The following PPP3CC variants were observed in gnomAD, a reference collection of about 807,000 sequenced individuals.
PPP3CC encodes the protein serine/threonine-protein phosphatase 2B catalytic subunit gamma isoform.
PPP3CC carries 35 observed loss-of-function variants against 60.3 expected under a neutral mutation model. That is an observed-to-expected ratio of 0.58 (90% CI 0.44 to 0.77). PPP3CC has a LOEUF of 0.77. Ranked by LOEUF, PPP3CC falls within the 30% of genes least tolerant of loss-of-function variation. The probability of loss-of-function intolerance (pLI) is 0.00; values close to 1 mark genes in which losing one functional copy is unlikely to be tolerated. For missense variants in PPP3CC, 570 were observed against 628.9 expected (o/e 0.91, Z 1.00); for synonymous variants, 206 against 224.3 (o/e 0.92, Z 0.73).
At chr8:22,469,193 G>A (rs1284442799) in intron 1 of PPP3CC, among the ~76,000 whole-genome samples, 1 of 152,172 alleles carries the variant, frequency 6.6e-6, no homozygotes, top group Non-Finnish European at 1.5e-5. Flanking sequence ...ACAGCAACAT[G>A]GATGGAACTG....
chr8:22,527,877 C>T lies in PPP3CC; in HGVS notation c.1069+360C>T, dbSNP rs202020009. Among the ~76,000 whole-genome samples, 23 of 152,248 alleles carry T rather than the reference C, an allele frequency of 1.5e-4. No homozygotes were observed. The East Asian group carries it at 1.9e-3, about 13-fold the overall frequency. On this transcript the variant is annotated intron_variant, in intron 9 of 13. Coordinates refer to ENST00000240139, the MANE Select transcript of PPP3CC (RefSeq NM_005605.5). Reference sequence around the variant, plus strand: ...CTCAAACTCCTGACCTTAAGTGATCCGCCCTCCTCAGCCTCCCAAAGTGCT... The same window carrying T: ...CTCAAACTCCTGACCTTAAGTGATCTGCCCTCCTCAGCCTCCCAAAGTGCT...
At chr8:22,466,809 G>A (rs1382107407) in intron 1 of PPP3CC, among the ~76,000 whole-genome samples, 2 of 152,148 alleles carry the variant, frequency 1.3e-5, no homozygotes, top group Non-Finnish European at 2.9e-5. Context: ...GCTGACGACT[G>A]TAGCTGACTG....
At chr8:22,515,326 A>G (rs1018036394) in intron 6 of PPP3CC, among the ~76,000 whole-genome samples, 4 of 152,208 alleles carry the variant, frequency 2.6e-5, no homozygotes, top group African/African-American at 9.6e-5. Context: ...TGGCTGAATA[A>G]TATTCCACTG....
In PPP3CC at chr8:22,441,119, C is replaced by G. The variant is rs11555261; in HGVS notation, c.-291C>G. 2.4e-3 allele frequency: 705 copies of G among 299,542 alleles called. 3 individuals are homozygous for G. Among genetic ancestry groups the G allele is most frequent in the African/African-American group, 0.013 (594 of 46,038 alleles). 18.6% of individuals were successfully genotyped at this position (299,542 alleles called of 1,614,324 possible). On this transcript the variant is annotated 5_prime_UTR_variant, in exon 1 of 14. Coordinates refer to ENST00000240139, the MANE Select transcript of PPP3CC (RefSeq NM_005605.5). ...GGGCCGCGAGCAGCCGCGGCCGTCC[C>G]GGTCGCCACCCTTAGCAGCGGTCGC...
intron 1 of PPP3CC, among the ~76,000 whole-genome samples, chr8:22,457,079 CTCCCTCCTTCCT>C (rs1313083450): frequency 5.2e-5 from 7 of 134,466 alleles, no homozygotes; most frequent in African/African-American, 1.4e-4. Flanking sequence ...CCCTCCTTCC[CTCCCTCCTTCCT>C]TCCCTCCTTC....
At chr8:22,495,187 G>A (rs903969679) in intron 3 of PPP3CC, among the ~76,000 whole-genome samples, 4 of 152,136 alleles carry the variant, frequency 2.6e-5, no homozygotes, top group Admixed American at 1.3e-4. Context: ...GGTCTCAAGC[G>A]ATCCTCCTGC....
chr8:22,448,372 CTTTTTTTTGTT>C (rs1319564567), intron 1 of PPP3CC, among the ~76,000 whole-genome samples: 1 of 144,788 alleles, frequency 6.9e-6, no homozygotes, highest in African/African-American at 2.7e-5. Flanking sequence ...GGTATTATAC[CTTTTTTTTGTT>C]TTTTTTTTTT....
chr8:22,525,491 C>CTTCTTTCTTTCTTTCT (rs199717558), intron 8 of PPP3CC, among the ~76,000 whole-genome samples: 2,716 of 128,590 alleles, frequency 0.021, 72 homozygotes, highest in Admixed American at 0.031. Context: ...GCTTCCTTTT[C>CTTCTTTCTTTCTTTCT]TTCTTTCTTT....
chr8:22,470,194 T>G (rs1294118310), intron 1 of PPP3CC, among the ~76,000 whole-genome samples: 1 of 151,938 alleles, frequency 6.6e-6, no homozygotes, highest in East Asian at 1.9e-4. Flanking sequence ...CAGTCATAGG[T>G]CACTGCAGCC....
intron 1 of PPP3CC, among the ~76,000 whole-genome samples, chr8:22,460,083 A>G (rs1450085258): frequency 6.6e-6 from 1 of 152,164 alleles, no homozygotes; most frequent in Non-Finnish European, 1.5e-5. Context: ...AAATATTAAG[A>G]TATATACTGA....
intron 1 of PPP3CC, among the ~76,000 whole-genome samples, chr8:22,454,250 C>T (rs1387694730): frequency 1.3e-5 from 2 of 152,074 alleles, no homozygotes; most frequent in Admixed American, 6.6e-5. Flanking sequence ...AATGAACACA[C>T]ACCACATACA....
intron 1 of PPP3CC, among the ~76,000 whole-genome samples, 179 bp downstream of exon 1, chr8:22,441,637 C>A (rs1267029655): frequency 6.6e-6 from 1 of 152,214 alleles, no homozygotes; most frequent in Non-Finnish European, 1.5e-5. Context: ...GCGTTTTCTG[C>A]TGCACCTGGT....
chr8:22,467,701 A>G (rs1229398615), intron 1 of PPP3CC, among the ~76,000 whole-genome samples: 2 of 152,192 alleles, frequency 1.3e-5, no homozygotes, highest in South Asian at 2.1e-4. Flanking sequence ...TTCTGGGATT[A>G]CAGGTGTGAG....
chr8:22,535,354 G>A (rs1839820220), intron 12 of PPP3CC, among the ~76,000 whole-genome samples: 2 of 152,166 alleles, frequency 1.3e-5, no homozygotes, highest in African/African-American at 4.8e-5. Context: ...TCATATTACT[G>A]GGTGACTAAC....
intron 1 of PPP3CC, among the ~76,000 whole-genome samples, chr8:22,473,763 G>C (rs1837803743): frequency 6.6e-6 from 1 of 151,572 alleles, no homozygotes; most frequent in African/African-American, 2.4e-5. Flanking sequence ...ACCACACCCG[G>C]CCCCTTATCC....
At chr8:22,539,640 T>C (rs1440745011) in intron 13 of PPP3CC, 142 bp downstream of exon 13, 1 of 827,160 alleles carries the variant, frequency 1.2e-6, no homozygotes, top group East Asian at 2.7e-5. Flanking sequence ...CTAGGCATGT[T>C]AACGAAGCAG....
chr8:22,504,219 A>T (rs1838845981), intron 4 of PPP3CC, among the ~76,000 whole-genome samples: 1 of 152,156 alleles, frequency 6.6e-6, no homozygotes, highest in African/African-American at 2.4e-5. Flanking sequence ...CTATATGTAT[A>T]CAATGTATAA....
chr8:22,532,220 C>T lies in PPP3CC; in HGVS notation c.1142-5C>T. The T allele has an allele frequency of 1.2e-6, 2 of 1,604,108 alleles. No homozygotes were observed. The highest frequency in any genetic ancestry group is 1.7e-6 in the Non-Finnish European group (2 of 1,171,672). On this transcript the variant is annotated splice_polypyrimidine_tract_variant and splice_region_variant and intron_variant, in intron 10 of 13. Transcript: ENST00000240139. ...TTAACTTACTTATTCTTTGTATTCT[C>T]TAAGGAAGCACTACAGTTCGTAAGG... is the stretch of plus-strand genomic sequence containing the variant.
chr8:22,490,379 G>T (rs1407503485), intron 3 of PPP3CC, among the ~76,000 whole-genome samples: 1 of 152,062 alleles, frequency 6.6e-6, no homozygotes, highest in Non-Finnish European at 1.5e-5. Flanking sequence ...AGATGAATGT[G>T]ACCATACTTT....
Sources: gnomAD v4.1 joint callset for allele counts (sites outside exome capture counted in the v4.1 genomes callset) on GRCh38, gnomAD v4.1.1 for gene constraint, MANE v1.5 for transcripts, NCBI Gene and HGNC (gene_info 2026-07-23, HGNC 2026-07-21) for gene names.